ZNF680: variants seen among roughly 807,000 people sequenced by gnomAD.
ZNF680 encodes hypothetical protein FLJ90430.
A neutral mutation model predicts 12.1 loss-of-function variants in ZNF680; 6 were observed. The observed-to-expected ratio is 0.49, with a 90% CI of 0.27 to 0.98. The LOEUF is 0.98. Ranked by LOEUF, ZNF680 falls within the 50% of genes least tolerant of loss-of-function variation. ZNF680 has a pLI of 0.12. For synonymous variants in ZNF680, 170 were observed against 199.3 expected (o/e 0.85, Z 1.24); for missense variants, 561 against 616.3 (o/e 0.91, Z 0.95).
Position 64,521,887 on chromosome 7 carries a change from A to G in ZNF680, c.867T>C (p.Thr289=). ...CATCACATTTGTAAGGTTTGTCTCC[A>G]GTATGAATTATCTTATGTTTACTAA... ...SILSKHKIIH[T]GDKPYKCDEC... is the part of the protein sequence containing the mutation. Residue 289 remains threonine, a synonymous_variant, in exon 4 of 4, where the codon ACT becomes ACC. Transcript: ENST00000309683. 6.2e-7 allele frequency: 1 copy of G among 1,613,394 alleles called. No individual in the cohort carries two copies. The highest frequency in any genetic ancestry group is 8.5e-7 in the Non-Finnish European group (1 of 1,179,686).
the ZNF680 span, among the ~76,000 whole-genome samples, chr7:64,501,988 G>T: frequency 6.9e-6 from 1 of 144,208 alleles, no homozygotes; most frequent in Non-Finnish European, 1.5e-5. Context: ...CAATAAAAAG[G>T]ACGTATTTCT....
In ZNF680 at chr7:64,520,393, AAAGTTATT is replaced by A. The variant is rs1442352580; in HGVS notation, c.*760_*767del. 3 of 151,834 alleles carry A rather than the reference AAAGTTATT, an allele frequency of 2.0e-5. No homozygotes were observed. The highest frequency in any genetic ancestry group is 7.2e-5 in the African/African-American group (3 of 41,420). The allele number at this position is 151,834 out of a possible 1,614,324, so 9.4% of individuals were successfully genotyped here. The stretch of plus-strand genomic sequence containing the variant: ...CTCCAAAGAATCTTCTACTCCTTTT[AAAGTTATT>A]TACAAATAATCTAACAACTTATAGA... On this transcript the variant is annotated 3_prime_UTR_variant, in exon 4 of 4. Coordinates refer to ENST00000309683, the MANE Select transcript of ZNF680 (RefSeq NM_178558.5).
intron 3 of ZNF680, among the ~76,000 whole-genome samples, chr7:64,524,025 T>A (rs893171190): frequency 6.6e-6 from 1 of 150,980 alleles, no homozygotes; most frequent in Non-Finnish European, 1.5e-5. Context: ...ACACATTTCA[T>A]GTAAATATTA....
chr7:64,545,187 C>G (rs1786718450), intron 1 of ZNF680, among the ~76,000 whole-genome samples: 1 of 143,060 alleles, frequency 7.0e-6, no homozygotes, highest in African/African-American at 2.6e-5. Context: ...TCGCTTGAAC[C>G]TGGGAGGTGG....
the ZNF680 span, among the ~76,000 whole-genome samples, chr7:64,512,368 G>A: frequency 2.1e-5 from 3 of 146,014 alleles, no homozygotes; most frequent in East Asian, 2.1e-4. Context: ...CAGGAAAATC[G>A]TTTGAACCCG....
At chr7:64,533,383 G>A (rs1317252420) in intron 3 of ZNF680, among the ~76,000 whole-genome samples, 1 of 152,110 alleles carries the variant, frequency 6.6e-6, no homozygotes, top group African/African-American at 2.4e-5. Flanking sequence ...TGACCTAGTG[G>A]AGAATCAAAT....
In ZNF680 at chr7:64,521,328, T is replaced by C; in HGVS notation, c.1426A>G (p.Thr476Ala). Residue 476 changes from threonine (T) to alanine (A), a missense_variant, in exon 4 of 4, where the codon ACT (threonine) becomes GCT (alanine). Thr to Ala is a moderately conservative substitution (Grantham distance 58). Coordinates refer to ENST00000309683, the MANE Select transcript of ZNF680 (RefSeq NM_178558.5). ...TGAATTCTCTTATGATTAGCAAGAG[T>C]TGCAGGCCAGTTAAAAACATTGCCA... ...ECGNVFNWPA[T>A]LANHKRIHAR... 4 of 1,613,454 alleles carry C rather than the reference T, an allele frequency of 2.5e-6. No homozygotes were observed. The highest frequency in any genetic ancestry group is 2.5e-6 in the Non-Finnish European group (3 of 1,179,620).
intron 3 of ZNF680, chr7:64,524,948 A>C (rs1030087264): frequency 7.9e-5 from 12 of 152,174 alleles, no homozygotes; most frequent in African/African-American, 2.9e-4. Flanking sequence ...TAAAATAATT[A>C]ATCTTGTGAA....
intron 3 of ZNF680, among the ~76,000 whole-genome samples, chr7:64,540,926 A>G (rs1786468496): frequency 6.6e-6 from 1 of 152,172 alleles, no homozygotes; most frequent in South Asian, 2.1e-4. Flanking sequence ...ATAATTATAA[A>G]TAAAAGATTC....
rs368161843 is a variant in ZNF680 at position 64,544,395 on chromosome 7, G to T, written c.68C>A (p.Ser23Tyr). The T allele has an allele frequency of 6.2e-7, 1 of 1,604,046 alleles. No individual in the cohort carries two copies. Among genetic ancestry groups the T allele is most frequent in the Non-Finnish European group, 8.5e-7 (1 of 1,173,872 alleles). Residue 23 changes from serine (S) to tyrosine (Y), a missense_variant, in exon 2 of 4, where the codon TCT becomes TAT. Ser to Tyr is a moderately radical substitution (Grantham distance 144). Transcript: ENST00000309683. Reference protein sequence around the residue: ...LTFRDVAIEFSLEEWQCLDTA... With the variant: ...LTFRDVAIEFYLEEWQCLDTA... ...GTCCAGGCATTGCCACTCCTCCAGA[G>T]AGAATTCTATGGCCACATCCCTAAA...
At chr7:64,511,086 G>A in the ZNF680 span, among the ~76,000 whole-genome samples, 46 of 151,064 alleles carry the variant, frequency 3.0e-4, no homozygotes, top group Admixed American at 1.9e-3. Context: ...CCTGGTCAAC[G>A]CAGTGAAACC....
chr7:64,554,113 C>T (rs1271088723), intron 1 of ZNF680, among the ~76,000 whole-genome samples: 3 of 151,376 alleles, frequency 2.0e-5, no homozygotes, highest in African/African-American at 4.9e-5. Context: ...CGCCTCTTCC[C>T]GGCCGTCATC....
intron 1 of ZNF680, among the ~76,000 whole-genome samples, 167 bp downstream of exon 1, chr7:64,562,757 GC>G (rs1289679071): frequency 6.6e-6 from 1 of 152,226 alleles, no homozygotes; most frequent in East Asian, 1.9e-4. Flanking sequence ...TGTCAGCCCA[GC>G]CGCCATCTTA....
At chr7:64,499,627 G>A in the ZNF680 span, among the ~76,000 whole-genome samples, 4 of 152,210 alleles carry the variant, frequency 2.6e-5, no homozygotes, top group South Asian at 2.1e-4. Context: ...TGTGGTGTGC[G>A]CGCCTGCTCG....
chr7:64,519,370 C>T (rs773623206), downstream of ZNF680, among the ~76,000 whole-genome samples: 3 of 151,710 alleles, frequency 2.0e-5, no homozygotes, highest in Non-Finnish European at 4.4e-5. Context: ...GCAAAGGGAA[C>T]AATTTTACAC....
At chr7:64,561,312 G>C (rs778271654) in intron 1 of ZNF680, 2 of 152,590 alleles carry the variant, frequency 1.3e-5, no homozygotes, top group African/African-American at 2.4e-5. Context: ...TATTCATTAG[G>C]CACTCTAGCA....
At position 64,544,380 on chromosome 7, in the gene ZNF680, T is replaced by C; in HGVS notation, c.83A>G (p.Gln28Arg). ...ATTCCGTTGTGCAGTGTCCAGGCAT[T>C]GCCACTCCTCCAGAGAGAATTCTAT... is the stretch of plus-strand genomic sequence containing the variant. ...VAIEFSLEEW[Q>R]CLDTAQRNLY... The change falls in exon 2 of 4, where the codon CAA (glutamine) becomes CGA (arginine). Residue 28 changes from glutamine (Q) to arginine (R), a missense_variant. By Grantham distance (43) the Gln-to-Arg change is conservative. Transcript: ENST00000309683. 2.5e-6 allele frequency: 4 copies of C among 1,604,510 alleles called. No individual in the cohort carries two copies. The highest frequency in any genetic ancestry group is 1.1e-5 in the South Asian group (1 of 90,972).
intron 1 of ZNF680, among the ~76,000 whole-genome samples, chr7:64,547,710 A>C (rs1172799077): frequency 1.3e-5 from 2 of 152,206 alleles, no homozygotes; most frequent in Non-Finnish European, 1.5e-5. Flanking sequence ...AATTTAGAAA[A>C]AATTTTTATT....
chr7:64,560,410 G>A (rs796201310), intron 1 of ZNF680, among the ~76,000 whole-genome samples: 26 of 152,156 alleles, frequency 1.7e-4, no homozygotes, highest in African/African-American at 5.8e-4. Context: ...CACTGCACTC[G>A]GCCGGAAATG....
Sources: gnomAD v4.1 joint callset for allele counts (sites outside exome capture counted in the v4.1 genomes callset) on GRCh38, gnomAD v4.1.1 for gene constraint, MANE v1.5 for transcripts, NCBI Gene and HGNC (gene_info 2026-07-23, HGNC 2026-07-21) for gene names.